The following PRKG1 variants were observed in gnomAD, a reference collection of about 807,000 sequenced individuals.
The protein encoded by PRKG1 is protein kinase cGMP-dependent 1.
In PRKG1, 35 loss-of-function variants were observed where a neutral mutation model predicts 88.1. That is an observed-to-expected ratio of 0.40 (90% CI 0.30 to 0.53). The LOEUF is 0.53. PRKG1 is among the 20% of genes least tolerant of loss of function. The pLI is 0.59. For synonymous variants in PRKG1, 303 were observed against 292.5 expected (o/e 1.04, Z -0.37); for missense variants, 540 against 839.8 (o/e 0.64, Z 4.41).
chr10:52,146,755 C>A (rs1296731201), intron 8 of PRKG1, among the ~76,000 whole-genome samples: 1 of 152,088 alleles, frequency 6.6e-6, no homozygotes, highest in African/African-American at 2.4e-5. Context: ...GTAAAGAATT[C>A]TCTGTGTTAA....
At chr10:51,581,289 G>A (rs574890464) in intron 3 of PRKG1, among the ~76,000 whole-genome samples, 3 of 152,262 alleles carry the variant, frequency 2.0e-5, no homozygotes, top group African/African-American at 7.2e-5. Context: ...TGATTAGCAA[G>A]ATATTAATCA....
At chr10:52,119,163 T>G (rs572317505) in intron 7 of PRKG1, among the ~76,000 whole-genome samples, 2 of 152,292 alleles carry the variant, frequency 1.3e-5, no homozygotes, top group South Asian at 4.1e-4. Context: ...ATAATTACTA[T>G]TCTATCTAAA....
intron 9 of PRKG1, among the ~76,000 whole-genome samples, chr10:52,243,425 G>T (rs940119539): frequency 1.3e-5 from 2 of 151,982 alleles, no homozygotes; most frequent in Non-Finnish European, 2.9e-5. Context: ...AACATCTCCA[G>T]ATTAGTTCCT....
intron 5 of PRKG1, among the ~76,000 whole-genome samples, chr10:51,940,256 A>G (rs751577299): frequency 2.6e-5 from 4 of 151,332 alleles, no homozygotes; most frequent in Admixed American, 1.3e-4. Flanking sequence ...TTTCAGGAAA[A>G]CCCTTCTCTT....
At chr10:51,321,202 C>T (rs535357638) in intron 2 of PRKG1, among the ~76,000 whole-genome samples, 1 of 152,266 alleles carries the variant, frequency 6.6e-6, no homozygotes, top group East Asian at 1.9e-4. Flanking sequence ...GACCTCTTTA[C>T]ATAACTAGGC....
At chr10:51,668,717 G>A (rs1177021880) in intron 3 of PRKG1, among the ~76,000 whole-genome samples, 2 of 151,684 alleles carry the variant, frequency 1.3e-5, no homozygotes, top group Admixed American at 1.3e-4. Context: ...GGACTGTTTT[G>A]TGTTTTAGAA....
intron 4 of PRKG1, among the ~76,000 whole-genome samples, chr10:51,869,894 A>C (rs558601432): frequency 1.3e-5 from 2 of 152,320 alleles, no homozygotes; most frequent in Admixed American, 1.3e-4. Flanking sequence ...TACTCTGGAA[A>C]GCAACCTAGA....
At chr10:51,192,152 T>A (rs1457034095) in intron 2 of PRKG1, among the ~76,000 whole-genome samples, 2 of 151,398 alleles carry the variant, frequency 1.3e-5, no homozygotes, top group African/African-American at 2.4e-5. Context: ...AAAAAAAAAA[T>A]TACACATAGA....
chr10:51,599,904 T>C (rs1160724068), intron 3 of PRKG1, among the ~76,000 whole-genome samples: 1 of 152,190 alleles, frequency 6.6e-6, no homozygotes. Context: ...GTAAATTTGC[T>C]TTCAAAATAT....
chr10:51,231,585 T>C (rs1288082374), intron 2 of PRKG1, among the ~76,000 whole-genome samples: 1 of 152,180 alleles, frequency 6.6e-6, no homozygotes, highest in East Asian at 1.9e-4. Flanking sequence ...GGAATCATCC[T>C]TTTTTATGGA....
intron 7 of PRKG1, among the ~76,000 whole-genome samples, chr10:52,063,395 G>A (rs1846283702): frequency 6.6e-6 from 1 of 152,250 alleles, no homozygotes; most frequent in African/African-American, 2.4e-5. Flanking sequence ...AGAGACACCA[G>A]GAACTGCATA....
intron 3 of PRKG1, among the ~76,000 whole-genome samples, chr10:51,758,968 T>C (rs1315199566): frequency 2.6e-5 from 4 of 152,018 alleles, no homozygotes; most frequent in African/African-American, 9.7e-5. Context: ...GTTCCTATGT[T>C]AGTTTGCTGA....
At chr10:51,643,812 C>T (rs1656282085) in intron 3 of PRKG1, among the ~76,000 whole-genome samples, 1 of 152,076 alleles carries the variant, frequency 6.6e-6, no homozygotes, top group African/African-American at 2.4e-5. Flanking sequence ...TAAAACAAAA[C>T]TTTTAATTAT....
intron 5 of PRKG1, among the ~76,000 whole-genome samples, chr10:52,036,999 G>A (rs1053013352): frequency 2.6e-5 from 4 of 152,270 alleles, no homozygotes; most frequent in African/African-American, 7.2e-5. Flanking sequence ...ATGGTCTAGG[G>A]GGCTTCCGAG....
chr10:51,080,552 C>T (rs1427399545), intron 1 of PRKG1, among the ~76,000 whole-genome samples: 2 of 152,272 alleles, frequency 1.3e-5, no homozygotes, highest in East Asian at 1.9e-4. Context: ...GCAGCCCATC[C>T]CAAGAAACTG....
chr10:52,023,538 T>G (rs534176075), intron 5 of PRKG1, among the ~76,000 whole-genome samples: 13 of 152,346 alleles, frequency 8.5e-5, no homozygotes, highest in Admixed American at 7.8e-4. Flanking sequence ...ACCAACAGTG[T>G]AAAAGTGTTC....
At chr10:51,083,563 G>A (rs17596157) in intron 1 of PRKG1, among the ~76,000 whole-genome samples, 2,044 of 151,034 alleles carry the variant, frequency 0.014, 20 homozygotes, top group Non-Finnish European at 0.021. Context: ...GGCAAACAGC[G>A]TGAGCTCAGG....
intron 5 of PRKG1, among the ~76,000 whole-genome samples, chr10:51,975,334 A>G (rs1843805050): frequency 6.6e-6 from 1 of 152,086 alleles, no homozygotes; most frequent in South Asian, 2.1e-4. Context: ...ATGGTCCATT[A>G]TGGATGACTA....
intron 12 of PRKG1, among the ~76,000 whole-genome samples, chr10:52,273,744 T>C (rs1841793434): frequency 6.6e-6 from 1 of 152,100 alleles, no homozygotes; most frequent in Admixed American, 6.6e-5. Context: ...CATTAGGCGA[T>C]AAGGTTAACA....
Sources: gnomAD v4.1 joint callset for allele counts (sites outside exome capture counted in the v4.1 genomes callset) on GRCh38, gnomAD v4.1.1 for gene constraint, MANE v1.5 for transcripts, NCBI Gene and HGNC (gene_info 2026-07-23, HGNC 2026-07-21) for gene names.